WDR25: variants seen among roughly 807,000 people sequenced by gnomAD.
WDR25 encodes the protein WD repeat-containing protein 25.
A neutral mutation model predicts 47.7 loss-of-function variants in WDR25; 35 were observed. That is an observed-to-expected ratio of 0.73 (90% CI 0.56 to 0.97). The LOEUF (loss-of-function observed/expected upper bound fraction) is 0.97. WDR25 is among the 50% of genes least tolerant of loss of function. The pLI is 0.00. For synonymous variants in WDR25, 248 were observed against 278.9 expected (o/e 0.89, Z 1.10); for missense variants, 634 against 704.7 (o/e 0.90, Z 1.14).
Position 100,381,354 on chromosome 14 carries a change from C to T in WDR25, c.430C>T (p.Pro144Ser). ...FKQVKLSRNF[P>S]KSSFHAQSES... ...GCAAGTAAAACTCTCCAGGAACTTTCCCAAGTCATCTTTCCATGCTCAAAG... is the reference window on the plus strand; with the variant it reads ...GCAAGTAAAACTCTCCAGGAACTTTTCCAAGTCATCTTTCCATGCTCAAAG... The change falls in exon 2 of 7, where the codon CCC becomes TCC. Residue 144 changes from proline to serine, a missense_variant. Pro to Ser is a moderately conservative substitution (Grantham distance 74). Coordinates refer to ENST00000402312, the MANE Select transcript of WDR25 (RefSeq NM_001161476.3). The T allele has an allele frequency of 1.2e-6, 2 of 1,614,204 alleles. No homozygotes were observed. Among genetic ancestry groups the T allele is most frequent in the Non-Finnish European group, 1.7e-6 (2 of 1,180,028 alleles).
At position 100,504,298 on chromosome 14, in the gene WDR25, C is replaced by A. The variant is rs141880151; in HGVS notation, c.1101+20174C>A. 8.0e-4 allele frequency among the ~76,000 whole-genome samples: 122 copies of A among 152,362 alleles called. 2 individuals are homozygous for A. The highest frequency in any genetic ancestry group is 2.7e-3 in the African/African-American group (112 of 41,576). The stretch of plus-strand genomic sequence containing the variant: ...GCTTTAAACAGTGCCTTGTTCAAAT[C>A]AGGACCCTAACATTTGATTTCTAAG... On this transcript the variant is annotated intron_variant, in intron 4 of 6. Coordinates refer to ENST00000402312, the MANE Select transcript of WDR25 (RefSeq NM_001161476.3).
intron 4 of WDR25, among the ~76,000 whole-genome samples, chr14:100,517,565 C>T (rs1000118578): frequency 6.6e-6 from 1 of 152,050 alleles, no homozygotes; most frequent in African/African-American, 2.4e-5. Context: ...TCTTCTAGGC[C>T]AGGTGTGGTG....
intron 2 of WDR25, among the ~76,000 whole-genome samples, chr14:100,437,771 C>T (rs1190690157): frequency 6.6e-6 from 1 of 152,302 alleles, no homozygotes; most frequent in Non-Finnish European, 1.5e-5. Context: ...ACCCACAGCA[C>T]TGGTGTTATA....
At chr14:100,508,755 C>A (rs2140359556) in intron 4 of WDR25, among the ~76,000 whole-genome samples, 1 of 152,154 alleles carries the variant, frequency 6.6e-6, no homozygotes, top group South Asian at 2.1e-4. Context: ...TTCATAGATA[C>A]CTTAAGTCAG....
chr14:100,457,904 C>T (rs934306224), intron 2 of WDR25, among the ~76,000 whole-genome samples: 29 of 152,006 alleles, frequency 1.9e-4, no homozygotes, highest in African/African-American at 6.0e-4. Flanking sequence ...AACCTTAAAG[C>T]AACTAGTAAT....
chr14:100,445,832 G>A (rs1320288987), intron 2 of WDR25, among the ~76,000 whole-genome samples: 1 of 152,142 alleles, frequency 6.6e-6, no homozygotes, highest in Non-Finnish European at 1.5e-5. Flanking sequence ...CTCAGGCATC[G>A]GCCATCCTTT....
At chr14:100,402,562 T>C (rs1191665123) in intron 2 of WDR25, among the ~76,000 whole-genome samples, 1 of 152,144 alleles carries the variant, frequency 6.6e-6, no homozygotes, top group Admixed American at 6.5e-5. Context: ...ATTTTCCAGC[T>C]GAGCCCTCGG....
chr14:100,396,996 C>T (rs1566889345), intron 2 of WDR25, among the ~76,000 whole-genome samples: 2 of 152,334 alleles, frequency 1.3e-5, no homozygotes, highest in Middle Eastern at 3.4e-3. Flanking sequence ...GGCTCAAGTC[C>T]TTCAACTCAG....
chr14:100,441,208 C>A (rs950512584), intron 2 of WDR25, among the ~76,000 whole-genome samples: 1 of 152,188 alleles, frequency 6.6e-6, no homozygotes, highest in Admixed American at 6.5e-5. Flanking sequence ...ACCACACAGT[C>A]ATCAAACGTT....
chr14:100,453,752 G>T (rs1415346296), intron 2 of WDR25, among the ~76,000 whole-genome samples: 1 of 151,978 alleles, frequency 6.6e-6, no homozygotes, highest in Non-Finnish European at 1.5e-5. Flanking sequence ...GCCCCCAGAA[G>T]CCCCAGCCTC....
chr14:100,447,275 T>A (rs183991914), intron 2 of WDR25, among the ~76,000 whole-genome samples: 1 of 152,298 alleles, frequency 6.6e-6, no homozygotes, highest in East Asian at 1.9e-4. Context: ...TGATTAGACT[T>A]GGGGATTGTT....
At chr14:100,402,366 T>TAA (rs543790580) in intron 2 of WDR25, among the ~76,000 whole-genome samples, 8 of 139,032 alleles carry the variant, frequency 5.8e-5, no homozygotes, top group African/African-American at 1.8e-4. Flanking sequence ...TGCTTTCTCC[T>TAA]AAAAAAAAAA....
intron 2 of WDR25, among the ~76,000 whole-genome samples, chr14:100,441,668 C>T (rs990253569): frequency 6.6e-6 from 1 of 152,168 alleles, no homozygotes; most frequent in Non-Finnish European, 1.5e-5. Context: ...TACTGAAGCT[C>T]TTGGTCTTGG....
intron 4 of WDR25, among the ~76,000 whole-genome samples, chr14:100,516,155 T>TTTTTC (rs1459370819): frequency 6.6e-6 from 1 of 152,200 alleles, no homozygotes; most frequent in East Asian, 1.9e-4. Context: ...TATTGCTTGA[T>TTTTTC]AACGGTTTGA....
At chr14:100,461,429 G>A (rs1033424836) in intron 2 of WDR25, among the ~76,000 whole-genome samples, 1 of 152,084 alleles carries the variant, frequency 6.6e-6, no homozygotes, top group Non-Finnish European at 1.5e-5. Context: ...TTTGACAAAA[G>A]ACATTCAAGA....
At chr14:100,446,067 A>T (rs1235634250) in intron 2 of WDR25, among the ~76,000 whole-genome samples, 1 of 152,172 alleles carries the variant, frequency 6.6e-6, no homozygotes, top group African/African-American at 2.4e-5. Flanking sequence ...CCCAGATATT[A>T]TACCCCCTGA....
rs59318813 is a variant in WDR25, at chr14:100,430,151, GGTGT to G, written c.823-37839_823-37836del. ...CAAATCTTGCAGACCAAGGGGGCCT[GGTGT>G]GTGTGTGTGTGTGTGTGTGTGTGTG... On this transcript the variant is annotated intron_variant, in intron 2 of 6. Transcript: ENST00000402312. This position sits in a 1 kb window ranked among gnomAD's most constrained non-coding sequence, Gnocchi z 4.7. Among the ~76,000 whole-genome samples, 72 of 146,678 alleles carry G rather than the reference GGTGT, an allele frequency of 4.9e-4. No homozygotes were observed. Among genetic ancestry groups the G allele is most frequent in the African/African-American group, 5.3e-4 (21 of 39,880 alleles).
chr14:100,488,532 C>G lies in WDR25; in HGVS notation c.1101+4408C>G, dbSNP rs968587954. 6.6e-6 allele frequency among the ~76,000 whole-genome samples: 1 copy of G among 152,080 alleles called. No homozygotes were observed. The highest frequency in any genetic ancestry group is 2.4e-5 in the African/African-American group (1 of 41,398). On this transcript the variant is annotated intron_variant, in intron 4 of 6. Transcript: ENST00000402312. The surrounding 1 kb of genome is among the most constrained non-coding windows in gnomAD (Gnocchi z 4.2). ...TGATTCACAATTTTTAAATTGGTAT[C>G]GTAAAGTGGCAGGCCAAGCCACGCC...
At chr14:100,402,378 AC>A (rs1402108795) in intron 2 of WDR25, among the ~76,000 whole-genome samples, 9 of 151,982 alleles carry the variant, frequency 5.9e-5, no homozygotes, top group Admixed American at 1.3e-4. Flanking sequence ...AAAAAAAAAA[AC>A]AAAACCAAAA....
Sources: gnomAD v4.1 joint callset for allele counts (sites outside exome capture counted in the v4.1 genomes callset) on GRCh38, gnomAD v4.1.1 for gene constraint, Gnocchi (gnomAD v3.1) non-coding constraint, MANE v1.5 for transcripts, NCBI Gene and HGNC (gene_info 2026-07-23, HGNC 2026-07-21) for gene names.